CD180: variants seen among roughly 807,000 people sequenced by gnomAD.
The protein encoded by CD180 is CD180 antigen.
CD180 carries 11 observed loss-of-function variants against 10.7 expected under a neutral mutation model. The ratio of observed to expected loss-of-function variants is 1.03; its 90% CI spans 0.65 to 1.70. CD180 has a LOEUF of 1.70. CD180 is among the 40% of genes most tolerant of loss of function. The probability of loss-of-function intolerance (pLI) is 0.00; values close to 1 mark genes in which losing one functional copy is unlikely to be tolerated. For missense variants in CD180, 729 were observed against 775.2 expected, an observed-to-expected ratio of 0.94 and a Z score of 0.71; for synonymous variants, 286 against 294.6, an observed-to-expected ratio of 0.97 and a Z score of 0.30.
At chr5:67,187,894 G>A (rs1378374423) in intron 1 of CD180, among the ~76,000 whole-genome samples, 2 of 152,076 alleles carry the variant, frequency 1.3e-5, no homozygotes, top group African/African-American at 2.4e-5. Context: ...GTTAGTTATC[G>A]CGGGACTGGA....
Position 67,180,211 on chromosome 5 carries a change from G to A in CD180, c.*2646C>T, listed in dbSNP as rs1742010753. ...AGGATGGGCAATTATGCTTTGCTAA[G>A]GCCTGGGCCCCTTTCATTGTTAGTG... is the stretch of plus-strand genomic sequence containing the variant. On this transcript the variant is annotated 3_prime_UTR_variant, in exon 3 of 3. Coordinates refer to ENST00000256447, the MANE Select transcript of CD180 (RefSeq NM_005582.3). The A allele has an allele frequency of 6.6e-6, 1 of 152,254 alleles. No homozygotes were observed. The highest frequency in any genetic ancestry group is 2.4e-5 in the African/African-American group (1 of 41,462). 9.4% of individuals were successfully genotyped at this position (152,254 alleles called of 1,614,324 possible).
Position 67,183,544 on chromosome 5 carries a change from G to A in CD180, c.1299C>T (p.His433=), listed in dbSNP as rs750645966. The change falls in exon 3 of 3, where the codon CAC becomes CAT. Residue 433 remains histidine, a synonymous_variant. Transcript: ENST00000256447. ...GGAAGGGACTTTGTGGAGCATTAAT[G>A]TGTAAGCGGGTAAATGCCAAATCGA... ...ELLDLAFTRL[H]INAPQSPFQN... is the part of the protein sequence containing the mutation. 19 of 1,614,078 alleles carry A rather than the reference G, an allele frequency of 1.2e-5. No homozygotes were observed. The East Asian group carries it at 2.0e-4, about 17-fold the overall frequency.
At chr5:67,196,208 G>C (rs1212361797) in intron 1 of CD180, among the ~76,000 whole-genome samples, 1 of 152,224 alleles carries the variant, frequency 6.6e-6, no homozygotes, top group Admixed American at 6.5e-5. Context: ...CCATGTGAGA[G>C]TGGGGATGTT....
rs768888493 is a variant in CD180 at position 67,186,024 on chromosome 5, G to A, written c.91-7C>T. The A allele has an allele frequency of 6.5e-7, 1 of 1,542,842 alleles. No homozygotes were observed. Among genetic ancestry groups the A allele is most frequent in the Admixed American group, 1.9e-5 (1 of 51,414 alleles). ...ATGTTTTGTTGGCTTCTTTCTGATG[G>A]GAGAAACAAAGTAAATTAATATTAG... On this transcript the variant is annotated splice_region_variant and splice_polypyrimidine_tract_variant and intron_variant, in intron 1 of 2. Transcript: ENST00000256447.
chr5:67,186,822 C>T (rs1742202588), intron 1 of CD180, among the ~76,000 whole-genome samples: 1 of 149,224 alleles, frequency 6.7e-6, no homozygotes, highest in Non-Finnish European at 1.5e-5. Flanking sequence ...GTGGGACATT[C>T]TATGGAACAA....
At chr5:67,186,542 A>T (rs896838766) in intron 1 of CD180, among the ~76,000 whole-genome samples, 2 of 152,178 alleles carry the variant, frequency 1.3e-5, no homozygotes, top group Admixed American at 1.3e-4. Flanking sequence ...AAGAGCAGGG[A>T]TAAATGTGAG....
chr5:67,190,021 C>T (rs1047103473), intron 1 of CD180, among the ~76,000 whole-genome samples: 10 of 152,176 alleles, frequency 6.6e-5, no homozygotes, highest in African/African-American at 2.4e-4. Context: ...TTTTTCCAAT[C>T]CAGGATCACA....
chr5:67,183,383 G>A lies in CD180; in HGVS notation c.1460C>T (p.Thr487Met), dbSNP rs140748436. The A allele has an allele frequency of 1.8e-4, 289 of 1,614,078 alleles. No individual in the cohort carries two copies. Among genetic ancestry groups the A allele is most frequent in the Non-Finnish European group, 8.1e-5 (95 of 1,180,048 alleles). Residue 487 changes from threonine to methionine, a missense_variant, in exon 3 of 3, where the codon ACG (threonine) becomes ATG (methionine). Coordinates refer to ENST00000256447, the MANE Select transcript of CD180 (RefSeq NM_005582.3). ...CACGGTCTGAAGTAGGTTGGTCTTCGTGATAGTCCCATCTTGAAAGTGATT... is the reference window on the plus strand; with the variant it reads ...CACGGTCTGAAGTAGGTTGGTCTTCATGATAGTCCCATCTTGAAAGTGATT... ...KGNHFQDGTI[T>M]KTNLLQTVGS...
At chr5:67,187,291 C>T (rs1742215831) in intron 1 of CD180, among the ~76,000 whole-genome samples, 1 of 152,134 alleles carries the variant, frequency 6.6e-6, no homozygotes, top group Non-Finnish European at 1.5e-5. Flanking sequence ...TTCTTTGTTA[C>T]TATTTCTGTA....
At chr5:67,185,131 C>T (rs1434206399) in intron 2 of CD180, among the ~76,000 whole-genome samples, 7 of 146,098 alleles carry the variant, frequency 4.8e-5, no homozygotes, top group African/African-American at 1.3e-4. Context: ...GATGATACTA[C>T]GCACCATGGA....
chr5:67,186,296 T>TA lies in CD180; in HGVS notation c.91-280dup, dbSNP rs900819511. 2.2e-4 allele frequency: 48 copies of TA among 213,852 alleles called. No homozygotes were observed. In the East Asian group the frequency reaches 2.3e-3, roughly 10 times the overall value. 13.2% of individuals were successfully genotyped at this position (213,852 alleles called of 1,614,324 possible). Reference sequence around the variant, plus strand: ...TGGAATCCTCTAAAACTGAAAAAAATAAAAAAAACCCTCCATATATTGATA... The same window carrying TA: ...TGGAATCCTCTAAAACTGAAAAAAATAAAAAAAAACCCTCCATATATTGATA... On this transcript the variant is annotated intron_variant, in intron 1 of 2. Transcript: ENST00000256447.
rs777965659 is a variant in CD180 at position 67,183,945 on chromosome 5, G to A, written c.898C>T (p.Leu300Phe). The change falls in exon 3 of 3, where the codon CTC (leucine) becomes TTC (phenylalanine). Residue 300 changes from leucine to phenylalanine, a missense_variant. By Grantham distance (22) the Leu-to-Phe change is conservative. Coordinates refer to ENST00000256447, the MANE Select transcript of CD180 (RefSeq NM_005582.3). ...GTTGCTGTCAGATCCAATTCTTGGAGTTGGGTGAAGCACTGAAATGTGGTG... is the reference window on the plus strand; with the variant it reads ...GTTGCTGTCAGATCCAATTCTTGGAATTGGGTGAAGCACTGAAATGTGGTG... Reference protein sequence around the residue: ...SSTTFQCFTQLQELDLTATHL... With the variant: ...SSTTFQCFTQFQELDLTATHL... 6.2e-7 allele frequency: 1 copy of A among 1,614,222 alleles called. No individual in the cohort carries two copies. The highest frequency in any genetic ancestry group is 1.1e-5 in the South Asian group (1 of 91,080).
In CD180 at chr5:67,195,436, C is replaced by G. The variant is rs184720296; in HGVS notation, c.90+1116G>C. On this transcript the variant is annotated intron_variant, in intron 1 of 2. Transcript: ENST00000256447. ...TTTGCCATGTTGCCCAGACTGGTCT[C>G]GAACTCCCAGTCTCAAGGCATACAC... Among the ~76,000 whole-genome samples, 10 of 152,270 alleles carry G rather than the reference C, an allele frequency of 6.6e-5. No individual in the cohort carries two copies. In the East Asian group the frequency reaches 1.9e-3, roughly 29 times the overall value.
At chr5:67,193,231 G>A (rs1742342089) in intron 1 of CD180, among the ~76,000 whole-genome samples, 1 of 152,168 alleles carries the variant, frequency 6.6e-6, no homozygotes, top group African/African-American at 2.4e-5. Context: ...ACATGAACAT[G>A]CAGACATTAT....
intron 1 of CD180, among the ~76,000 whole-genome samples, chr5:67,188,168 C>T (rs987860306): frequency 2.1e-5 from 3 of 146,276 alleles, no homozygotes; most frequent in African/African-American, 7.9e-5. Flanking sequence ...GACTCTGCCT[C>T]AAAAAGAAAA....
At chr5:67,184,774 A>AT (rs996153255) in intron 2 of CD180, among the ~76,000 whole-genome samples, 189 bp from the exon 3 acceptor site, 3 of 152,038 alleles carry the variant, frequency 2.0e-5, no homozygotes, top group South Asian at 2.1e-4. Context: ...GCCAATCTAG[A>AT]TTTTTTTTCC....
At chr5:67,195,734 C>T (rs1292585168) in intron 1 of CD180, among the ~76,000 whole-genome samples, 1 of 152,250 alleles carries the variant, frequency 6.6e-6, no homozygotes, top group Admixed American at 6.5e-5. Flanking sequence ...TGCCCCAGGG[C>T]AACTCCACAT....
chr5:67,189,761 A>C (rs189160530), intron 1 of CD180, among the ~76,000 whole-genome samples: 1 of 152,236 alleles, frequency 6.6e-6, no homozygotes, highest in East Asian at 1.9e-4. Flanking sequence ...TTTAAGGCAA[A>C]AGGTACACAC....
rs879222791 is a variant in CD180 at position 67,183,404 on chromosome 5, T to G, written c.1439A>C (p.His480Pro). ...VLRHLNLKGN[H>P]FQDGTITKTN... The stretch of plus-strand genomic sequence containing the variant: ...CTTCGTGATAGTCCCATCTTGAAAG[T>G]GATTCCCTTTTAAGTTGAGATGCCG... The change falls in exon 3 of 3, where the codon CAC becomes CCC. Residue 480 changes from histidine (H) to proline (P), a missense_variant. His to Pro is a moderately conservative substitution (Grantham distance 77). Transcript: ENST00000256447. 3.7e-6 allele frequency: 6 copies of G among 1,614,150 alleles called. No individual in the cohort carries two copies. The highest frequency in any genetic ancestry group is 4.5e-5 in the East Asian group (2 of 44,888).
Sources: allele counts gnomAD v4.1 joint callset (sites outside exome capture counted in the v4.1 genomes callset), GRCh38; gene constraint gnomAD v4.1.1; transcripts MANE v1.5; gene names NCBI Gene and HGNC (gene_info 2026-07-23, HGNC 2026-07-21).